ACACA: variants seen among roughly 807,000 people sequenced by gnomAD.
ACACA encodes acetyl-CoA carboxylase alpha, also known as acetyl-CoA carboxylase 1.
ACACA carries 103 observed loss-of-function variants against 296.1 expected under a neutral mutation model. The ratio of observed to expected loss-of-function variants is 0.35; its 90% CI spans 0.30 to 0.41. The LOEUF is 0.41. ACACA is among the 10% of genes least tolerant of loss of function. The probability of loss-of-function intolerance (pLI) is 1.00; values close to 1 mark genes in which losing one functional copy is unlikely to be tolerated. For synonymous variants in ACACA, 953 were observed against 1,038.6 expected (o/e 0.92, Z 1.58); for missense variants, 1,554 against 2,989.7 (o/e 0.52, Z 11.20).
At chr17:37,235,211 A>G (rs954819338) in intron 24 of ACACA, 112 bp from the exon 25 acceptor site, 4 of 1,357,482 alleles carry the variant, frequency 2.9e-6, no homozygotes, top group Admixed American at 1.7e-5. Flanking sequence ...AAGAAACATC[A>G]TAAGGATTTT....
chr17:37,324,872 A>C (rs917300636), intron 3 of ACACA, among the ~76,000 whole-genome samples: 4 of 150,270 alleles, frequency 2.7e-5, no homozygotes, highest in African/African-American at 4.9e-5. Context: ...AAAATAAATG[A>C]ATAAATAAGT....
chr17:37,200,597 CCTTAT>C, intron 33 of ACACA, 114 bp from the exon 34 acceptor site: 1 of 964,796 alleles, frequency 1.0e-6, no homozygotes, highest in Non-Finnish European at 1.6e-6. Flanking sequence ...TTTTGGATAT[CCTTAT>C]CTTAGCTTAG....
At chr17:37,227,590 CG>C (rs1567846416) in intron 25 of ACACA, among the ~76,000 whole-genome samples, 1 of 151,946 alleles carries the variant, frequency 6.6e-6, no homozygotes, top group Admixed American at 6.6e-5. Flanking sequence ...ATTTTTAGGC[CG>C]GGCGCTGTGG....
chr17:37,176,540 G>A (rs910369468), intron 41 of ACACA, among the ~76,000 whole-genome samples: 1 of 152,098 alleles, frequency 6.6e-6, no homozygotes, highest in African/African-American at 2.4e-5. Flanking sequence ...ATCATTCTTG[G>A]GGTAATATGT....
At chr17:37,310,969 T>C (rs1345595527) in intron 3 of ACACA, among the ~76,000 whole-genome samples, 1 of 151,872 alleles carries the variant, frequency 6.6e-6, no homozygotes, top group Non-Finnish European at 1.5e-5. Flanking sequence ...GTCATGAAAG[T>C]GTAGTCTTTA....
In ACACA at chr17:37,242,043, A is replaced by G; in HGVS notation, c.2942T>C (p.Ile981Thr). Residue 981 changes from isoleucine to threonine, a missense_variant, in exon 23 of 56, where the codon ATC (isoleucine) becomes ACC (threonine). Ile to Thr is a moderately conservative substitution (Grantham distance 89). Coordinates refer to ENST00000616317, the MANE Select transcript of ACACA (RefSeq NM_198834.3). ...CAATGTAGCTGCATGGCTATCTAGGATGTTTGCAATCTAAGGTATAAAAAA... is the reference window on the plus strand; with the variant it reads ...CAATGTAGCTGCATGGCTATCTAGGGTGTTTGCAATCTAAGGTATAAAAAA... ...CQFPSQQIAN[I>T]LDSHAATLNR... 1 of 1,613,874 alleles carries G rather than the reference A, an allele frequency of 6.2e-7. No individual in the cohort carries two copies. Among genetic ancestry groups the G allele is most frequent in the Non-Finnish European group, 8.5e-7 (1 of 1,179,906 alleles).
intron 1 of ACACA, among the ~76,000 whole-genome samples, chr17:37,397,833 C>T (rs2051130182): frequency 6.6e-6 from 1 of 152,204 alleles, no homozygotes; most frequent in Admixed American, 6.6e-5. Context: ...CACCTTGGAC[C>T]GTAATTGAGG....
chr17:37,221,922 G>T, intron 28 of ACACA, 80 bp from the exon 29 acceptor site: 2 of 1,203,314 alleles, frequency 1.7e-6, no homozygotes, highest in Non-Finnish European at 2.5e-6. Flanking sequence ...GTCTTGAAAC[G>T]AGGTATCTGA....
chr17:37,351,476 T>C (rs1568038092), intron 1 of ACACA, among the ~76,000 whole-genome samples: 1 of 152,022 alleles, frequency 6.6e-6, no homozygotes, highest in African/African-American at 2.4e-5. Flanking sequence ...AAAAAATAAA[T>C]AAACAAATAA....
chr17:37,238,958 G>A (rs2080254929), intron 24 of ACACA, among the ~76,000 whole-genome samples: 1 of 152,022 alleles, frequency 6.6e-6, no homozygotes. Context: ...TCTTGAGTAG[G>A]TAGGACTATA....
intron 1 of ACACA, among the ~76,000 whole-genome samples, chr17:37,370,109 C>T (rs1027718555): frequency 8.6e-5 from 13 of 150,946 alleles, no homozygotes; most frequent in African/African-American, 2.9e-4. Flanking sequence ...TGGGTTCAAG[C>T]GATTCTCCTG....
intron 2 of ACACA, among the ~76,000 whole-genome samples, chr17:37,334,835 T>C (rs987676497): frequency 1.3e-5 from 2 of 152,040 alleles, no homozygotes; most frequent in African/African-American, 2.4e-5. Context: ...TGATGCCCCA[T>C]TGTATAGGAG....
At position 37,155,685 on chromosome 17, in the gene ACACA, G is replaced by C. The variant is rs755106911; in HGVS notation, c.5445C>G (p.Ser1815=). 6.3e-7 allele frequency: 1 copy of C among 1,599,012 alleles called. No homozygotes were observed. Among genetic ancestry groups the C allele is most frequent in the South Asian group, 1.1e-5 (1 of 90,780 alleles). Residue 1815 remains serine, a splice_region_variant and synonymous_variant, in exon 43 of 56, where the codon TCC becomes TCG. Coordinates refer to ENST00000616317, the MANE Select transcript of ACACA (RefSeq NM_198834.3). ...HCEHVEDEGE[S]RYKITDIIGK... is the part of the protein sequence containing the mutation. Reference sequence around the variant, plus strand: ...TATTCCAATACATATATACCTACCTGGATTCTCCTTCATCTTCCACGTGTT... The same window carrying C: ...TATTCCAATACATATATACCTACCTCGATTCTCCTTCATCTTCCACGTGTT...
At chr17:37,274,106 T>C (rs2542659) in intron 9 of ACACA, 87 bp downstream of exon 9, 166,802 of 1,107,914 alleles carry the variant, frequency 0.15, 16,294 homozygotes, top group East Asian at 0.42. Flanking sequence ...ACCTTGGGTA[T>C]ATATCACGAG....
chr17:37,179,180 C>T (rs989874371), intron 41 of ACACA, 80 bp downstream of exon 41: 3 of 1,553,716 alleles, frequency 1.9e-6, no homozygotes, highest in African/African-American at 1.4e-5. Context: ...TGCTCCAGTG[C>T]TATTTAATGA....
At chr17:37,138,831 T>C (rs1033794205) in intron 45 of ACACA, among the ~76,000 whole-genome samples, 3 of 152,258 alleles carry the variant, frequency 2.0e-5, no homozygotes, top group Non-Finnish European at 4.4e-5. Flanking sequence ...AAGCTCTTGC[T>C]CTGGCTCTCT....
intron 25 of ACACA, among the ~76,000 whole-genome samples, chr17:37,232,734 AG>A (rs1427885961): frequency 6.6e-6 from 1 of 152,170 alleles, no homozygotes; most frequent in East Asian, 1.9e-4. Flanking sequence ...ATGACATGAA[AG>A]CTTAGAGATC....
intron 18 of ACACA, 76 bp from the exon 19 acceptor site, chr17:37,247,052 T>A: frequency 6.4e-7 from 1 of 1,553,594 alleles, no homozygotes; most frequent in Non-Finnish European, 8.9e-7. Context: ...AATGTCAACC[T>A]TCAAAGAAAA....
chr17:37,224,835 A>G (rs1344649656), intron 27 of ACACA, among the ~76,000 whole-genome samples, 157 bp downstream of exon 27: 1 of 152,086 alleles, frequency 6.6e-6, no homozygotes, highest in African/African-American at 2.4e-5. Flanking sequence ...ATTCATAAGT[A>G]TAAATCATTT....
Sources: gnomAD v4.1 joint callset for allele counts (sites outside exome capture counted in the v4.1 genomes callset) on GRCh38, gnomAD v4.1.1 for gene constraint, MANE v1.5 for transcripts, NCBI Gene and HGNC (gene_info 2026-07-23, HGNC 2026-07-21) for gene names.